SGCD: variants seen among roughly 807,000 people sequenced by gnomAD.
SGCD encodes the protein delta-sarcoglycan.
SGCD carries 18 observed loss-of-function variants against 36.6 expected under a neutral mutation model. The observed-to-expected ratio is 0.49, with a 90% CI of 0.34 to 0.73. The LOEUF (loss-of-function observed/expected upper bound fraction) is 0.73, where lower values mean the gene tolerates loss of function less well. Among genes scored for constraint, SGCD ranks in the 30% least tolerant of loss-of-function variants. The probability of loss-of-function intolerance (pLI) is 0.01; values close to 1 mark genes in which losing one functional copy is unlikely to be tolerated. For synonymous variants in SGCD, 133 were observed against 130.6 expected (o/e 1.02, Z -0.12); for missense variants, 387 against 346.7 (o/e 1.12, Z -0.92).
intron 3 of SGCD, among the ~76,000 whole-genome samples, chr5:156,290,081 A>G (rs910042564): frequency 1.3e-5 from 2 of 152,208 alleles, no homozygotes; most frequent in African/African-American, 2.4e-5. Flanking sequence ...TTGTACATTA[A>G]TATCAATGAT....
intron 3 of SGCD, among the ~76,000 whole-genome samples, chr5:156,128,818 C>T (rs1394629694): frequency 6.6e-6 from 1 of 152,166 alleles, no homozygotes; most frequent in Non-Finnish European, 1.5e-5. Flanking sequence ...TTATAAATTA[C>T]CCAGTCTCAG....
intron 4 of SGCD, among the ~76,000 whole-genome samples, chr5:156,537,828 C>T (rs1392849421): frequency 7.0e-6 from 1 of 142,966 alleles, no homozygotes. Flanking sequence ...ACCCAGGATA[C>T]ACAAGTGAAT....
chr5:155,906,366 G>A (rs1423777161), intron 1 of SGCD, among the ~76,000 whole-genome samples: 1 of 152,084 alleles, frequency 6.6e-6, no homozygotes, highest in Non-Finnish European at 1.5e-5. Flanking sequence ...AGAGTTGCAT[G>A]TCTCACATTT....
At chr5:156,446,672 G>A (rs761804359) in intron 3 of SGCD, among the ~76,000 whole-genome samples, 6 of 152,114 alleles carry the variant, frequency 3.9e-5, no homozygotes, top group Non-Finnish European at 7.4e-5. Context: ...TTCCCTGGCC[G>A]AAGGAGCTGA....
chr5:156,241,522 C>T (rs1235868277), intron 3 of SGCD, among the ~76,000 whole-genome samples: 6 of 152,124 alleles, frequency 3.9e-5, no homozygotes, highest in Non-Finnish European at 8.8e-5. Flanking sequence ...AGGGAGAAAG[C>T]AGCTAGGATA....
At chr5:156,472,477 G>T (rs1377321913) in intron 3 of SGCD, among the ~76,000 whole-genome samples, 1 of 152,138 alleles carries the variant, frequency 6.6e-6, no homozygotes, top group African/African-American at 2.4e-5. Flanking sequence ...GAGTGCAGTG[G>T]CATGATCTCA....
At chr5:156,050,061 TTTAA>T (rs1759876543) in intron 1 of SGCD, among the ~76,000 whole-genome samples, 1 of 147,120 alleles carries the variant, frequency 6.8e-6, no homozygotes, top group Non-Finnish European at 1.5e-5. Context: ...ATTACATAAA[TTTAA>T]TTGATAAAGC....
At chr5:156,720,001 C>T (rs1392143715) in intron 7 of SGCD, among the ~76,000 whole-genome samples, 1 of 152,136 alleles carries the variant, frequency 6.6e-6, no homozygotes, top group African/African-American at 2.4e-5. Context: ...CCTCAAATGC[C>T]TTACTGCTCC....
At chr5:155,951,969 C>T (rs1210016294) in intron 1 of SGCD, among the ~76,000 whole-genome samples, 1 of 152,170 alleles carries the variant, frequency 6.6e-6, no homozygotes, top group African/African-American at 2.4e-5. Context: ...GGATTCTCAG[C>T]CTCACCCTGG....
chr5:156,072,599 A>G (rs931227125), intron 1 of SGCD, among the ~76,000 whole-genome samples: 16 of 151,982 alleles, frequency 1.1e-4, no homozygotes, highest in African/African-American at 3.9e-4. Flanking sequence ...GAATCTGACA[A>G]TTATGTGTCT....
the SGCD span, among the ~76,000 whole-genome samples, chr5:155,777,648 G>C: frequency 6.6e-6 from 1 of 152,052 alleles, no homozygotes; most frequent in Non-Finnish European, 1.5e-5. Context: ...GAGCCACAGT[G>C]CCCGGCCATA....
chr5:156,628,518 T>G (rs1324896232), intron 6 of SGCD, among the ~76,000 whole-genome samples: 1 of 152,234 alleles, frequency 6.6e-6, no homozygotes, highest in Non-Finnish European at 1.5e-5. Flanking sequence ...TAAATCATAC[T>G]TAGTTTATAA....
intron 4 of SGCD, among the ~76,000 whole-genome samples, chr5:156,546,891 G>A (rs1758597025): frequency 6.6e-6 from 1 of 152,136 alleles, no homozygotes; most frequent in Non-Finnish European, 1.5e-5. Context: ...TCAGGAGGAG[G>A]TCCTTGATGT....
intron 1 of SGCD, among the ~76,000 whole-genome samples, chr5:156,037,650 G>C (rs1457782021): frequency 6.6e-6 from 1 of 152,096 alleles, no homozygotes; most frequent in Non-Finnish European, 1.5e-5. Flanking sequence ...CAGGAAGATG[G>C]CTCTGTCTAC....
chr5:156,358,149 G>C (rs1038592522), intron 3 of SGCD, among the ~76,000 whole-genome samples: 2 of 152,188 alleles, frequency 1.3e-5, no homozygotes, highest in Non-Finnish European at 2.9e-5. Context: ...AAAATAGGAA[G>C]TATTGTCCAT....
At chr5:155,905,957 C>T (rs1756501285) in intron 1 of SGCD, among the ~76,000 whole-genome samples, 1 of 152,098 alleles carries the variant, frequency 6.6e-6, no homozygotes, top group African/African-American at 2.4e-5. Context: ...ATACATTGTG[C>T]TTCTCAGATA....
At chr5:156,541,825 A>G (rs1314696299) in intron 4 of SGCD, among the ~76,000 whole-genome samples, 1 of 152,214 alleles carries the variant, frequency 6.6e-6, no homozygotes. Context: ...AAATAACTCA[A>G]CAAAGGTCGT....
intron 3 of SGCD, among the ~76,000 whole-genome samples, chr5:156,389,576 G>A (rs1218231590): frequency 1.3e-5 from 2 of 152,142 alleles, no homozygotes; most frequent in Admixed American, 6.5e-5. Flanking sequence ...AGGGGAGGCT[G>A]GGGGTGGTGC....
intron 1 of SGCD, among the ~76,000 whole-genome samples, chr5:155,990,165 A>G (rs1758403804): frequency 6.6e-6 from 1 of 152,140 alleles, no homozygotes; most frequent in African/African-American, 2.4e-5. Flanking sequence ...AAGCTGTACA[A>G]TTGAGAGGAT....
Sources: gnomAD v4.1 joint callset for allele counts (sites outside exome capture counted in the v4.1 genomes callset) on GRCh38, gnomAD v4.1.1 for gene constraint, MANE v1.5 for transcripts, NCBI Gene and HGNC (gene_info 2026-07-23, HGNC 2026-07-21) for gene names.